The following MATCAP2 variants were observed in gnomAD, a reference collection of about 807,000 sequenced individuals.
The protein encoded by MATCAP2 is microtubule associated tyrosine carboxypeptidase 2.
At chr7:36,366,834 G>T in the MATCAP2 span, 1 of 1,519,630 alleles carries the variant, frequency 6.6e-7, no homozygotes, top group Non-Finnish European at 8.8e-7. Context: ...CCCAGCCGGT[G>T]GCTACCATTA....
At chr7:36,353,067 G>C in the MATCAP2 span, among the ~76,000 whole-genome samples, 1 of 152,034 alleles carries the variant, frequency 6.6e-6, no homozygotes, top group Non-Finnish European at 1.5e-5. Context: ...TTGAGCTCAG[G>C]AGACCAGCCA....
the MATCAP2 span, among the ~76,000 whole-genome samples, chr7:36,343,737 G>A: frequency 3.3e-5 from 5 of 151,808 alleles, no homozygotes; most frequent in Non-Finnish European, 5.9e-5. Flanking sequence ...GTTTAAAGAA[G>A]TATAAAAAAT....
chr7:36,324,993 T>C, the MATCAP2 span: 1 of 152,258 alleles, frequency 6.6e-6, no homozygotes, highest in Non-Finnish European at 1.5e-5. Context: ...TTATAACCTT[T>C]GGGCTTGAAT....
At chr7:36,341,251 T>C in the MATCAP2 span, among the ~76,000 whole-genome samples, 1 of 152,166 alleles carries the variant, frequency 6.6e-6, no homozygotes, top group South Asian at 2.1e-4. Flanking sequence ...ACCTCTCTCT[T>C]CTCCATTATA....
At chr7:36,335,190 G>A in the MATCAP2 span, 156,254 of 1,611,102 alleles carry the variant, frequency 0.097, 8,736 homozygotes, top group Admixed American at 0.18. Flanking sequence ...TAAGGGGCAA[G>A]AGAAAAAGTA....
chr7:36,351,267 G>A, the MATCAP2 span, among the ~76,000 whole-genome samples: 20 of 152,180 alleles, frequency 1.3e-4, no homozygotes, highest in East Asian at 3.1e-3. Context: ...ATGGTAGCCC[G>A]TGCCTATAGT....
chr7:36,334,182 A>G, the MATCAP2 span: 2 of 1,548,214 alleles, frequency 1.3e-6, no homozygotes, highest in Non-Finnish European at 1.8e-6. Flanking sequence ...GAAAAGTTAC[A>G]TGAAGAAAAA....
chr7:36,383,129 G>A, the MATCAP2 span, among the ~76,000 whole-genome samples: 11 of 152,124 alleles, frequency 7.2e-5, no homozygotes, highest in Non-Finnish European at 1.5e-4. Flanking sequence ...AAAAATCTAT[G>A]TGACACTAAG....
At chr7:36,350,449 T>A in the MATCAP2 span, among the ~76,000 whole-genome samples, 1 of 151,904 alleles carries the variant, frequency 6.6e-6, no homozygotes, top group Non-Finnish European at 1.5e-5. Context: ...ATAGAGCTGG[T>A]GAATCAGAGG....
At chr7:36,344,025 G>A in the MATCAP2 span, among the ~76,000 whole-genome samples, 1 of 152,180 alleles carries the variant, frequency 6.6e-6, no homozygotes, top group Non-Finnish European at 1.5e-5. Flanking sequence ...AAATTTTATT[G>A]TCTGTAAATA....
At chr7:36,383,663 G>T in the MATCAP2 span, among the ~76,000 whole-genome samples, 45 of 152,252 alleles carry the variant, frequency 3.0e-4, no homozygotes, top group African/African-American at 6.0e-4. Context: ...GGGTCTGTAG[G>T]GGGGTGGAGA....
chr7:36,378,535 G>C, the MATCAP2 span, among the ~76,000 whole-genome samples: 2 of 152,242 alleles, frequency 1.3e-5, no homozygotes, highest in African/African-American at 2.4e-5. Flanking sequence ...ATGTCTCCTA[G>C]TTAGGCTACA....
chr7:36,325,694 A>T, the MATCAP2 span: 7 of 152,356 alleles, frequency 4.6e-5, no homozygotes, highest in Non-Finnish European at 1.0e-4. Context: ...GATAAAATAC[A>T]AAGCTAGGCT....
chr7:36,352,674 A>G, the MATCAP2 span, among the ~76,000 whole-genome samples: 1 of 151,932 alleles, frequency 6.6e-6, no homozygotes, highest in Non-Finnish European at 1.5e-5. Flanking sequence ...TTTACTAAAA[A>G]TACAAAAATT....
At chr7:36,326,639 G>C in the MATCAP2 span, 1 of 835,808 alleles carries the variant, frequency 1.2e-6, no homozygotes, top group East Asian at 2.6e-5. Flanking sequence ...GAATACTGAA[G>C]ACCCTTCTTC....
At chr7:36,329,037 C>T in the MATCAP2 span, among the ~76,000 whole-genome samples, 3 of 151,622 alleles carry the variant, frequency 2.0e-5, no homozygotes, top group African/African-American at 7.3e-5. Flanking sequence ...AGCAAAAACT[C>T]CGTATCAAAA....
At chr7:36,333,036 C>A in the MATCAP2 span, among the ~76,000 whole-genome samples, 1 of 152,198 alleles carries the variant, frequency 6.6e-6, no homozygotes, top group Non-Finnish European at 1.5e-5. Flanking sequence ...ACTCCCATCT[C>A]CCTGGGACAG....
chr7:36,352,179 T>C, the MATCAP2 span, among the ~76,000 whole-genome samples: 1 of 151,804 alleles, frequency 6.6e-6, no homozygotes, highest in African/African-American at 2.4e-5. Context: ...GTGGATTACC[T>C]GAGGTCAGGA....
chr7:36,386,614 T>C, the MATCAP2 span, among the ~76,000 whole-genome samples: 11 of 151,828 alleles, frequency 7.2e-5, no homozygotes, highest in Non-Finnish European at 1.6e-4. Flanking sequence ...AAAAACCCTA[T>C]AAATCCATAA....
Sources: allele counts gnomAD v4.1 joint callset (sites outside exome capture counted in the v4.1 genomes callset), GRCh38; gene constraint gnomAD v4.1.1; transcripts MANE v1.5; gene names NCBI Gene and HGNC (gene_info 2026-07-23, HGNC 2026-07-21).